DMD: variants seen among roughly 807,000 people sequenced by gnomAD.
The protein encoded by DMD is mutant dystrophin.
In DMD, 63 loss-of-function variants were observed where a neutral mutation model predicts 330.1. The observed-to-expected ratio is 0.19, with a 90% CI of 0.16 to 0.24. DMD has a LOEUF of 0.24. DMD is among the 10% of genes least tolerant of loss of function. The pLI is 1.00. For synonymous variants in DMD, 1,223 were observed against 959.8 expected (o/e 1.27, Z -5.07); for missense variants, 3,344 against 2,684.1 (o/e 1.25, Z -5.43).
intron 45 of DMD, among the ~76,000 whole-genome samples, chrX:31,957,355 T>C (rs776230047): frequency 8.9e-6 from 1 of 112,042 alleles, no homozygotes; most frequent in South Asian, 3.7e-4. Context: ...TGGAAAGGAA[T>C]GTCTGAATAT....
intron 50 of DMD, among the ~76,000 whole-genome samples, chrX:31,809,724 G>A (rs2092402587): frequency 9.0e-6 from 1 of 111,352 alleles, no homozygotes; most frequent in African/African-American, 3.3e-5. Flanking sequence ...GAGGGTTTAA[G>A]GAGATAGGGG....
intron 41 of DMD, among the ~76,000 whole-genome samples, chrX:32,316,722 A>C (rs1188992599): frequency 1.8e-5 from 2 of 111,410 alleles, no homozygotes; most frequent in Non-Finnish European, 3.8e-5. Flanking sequence ...ATAATGTTTA[A>C]TATATAGACT....
intron 4 of DMD, among the ~76,000 whole-genome samples, chrX:32,832,817 G>A (rs182200663): frequency 1.8e-5 from 2 of 111,045 alleles, no homozygotes; most frequent in Non-Finnish European, 1.9e-5. Context: ...TAAATACGTC[G>A]ATATATACAA....
chrX:31,812,750 A>G (rs773677039), intron 50 of DMD, among the ~76,000 whole-genome samples: 3 of 111,766 alleles, frequency 2.7e-5, no homozygotes, highest in Non-Finnish European at 5.6e-5. Flanking sequence ...AATCATAGAG[A>G]CTTATTTTTG....
intron 44 of DMD, among the ~76,000 whole-genome samples, chrX:32,092,203 A>G (rs1222426610): frequency 9.0e-6 from 1 of 111,696 alleles, no homozygotes; most frequent in Middle Eastern, 4.2e-3. Flanking sequence ...TAGAAGAGGC[A>G]TGGGCAACTC....
intron 25 of DMD, among the ~76,000 whole-genome samples, chrX:32,463,014 T>A (rs1348776954): frequency 9.0e-6 from 1 of 111,686 alleles, no homozygotes; most frequent in Non-Finnish European, 1.9e-5. Flanking sequence ...CTTGGAAATG[T>A]TAATCGAAAG....
At chrX:32,402,289 A>C (rs765203280) in intron 30 of DMD, among the ~76,000 whole-genome samples, 6 of 111,726 alleles carry the variant, frequency 5.4e-5, no homozygotes, top group Non-Finnish European at 9.4e-5. Flanking sequence ...TTAAATATAT[A>C]ATAGTAATTG....
At chrX:32,246,510 A>G (rs6628691) in intron 43 of DMD, among the ~76,000 whole-genome samples, 5,870 of 62,210 alleles carry the variant, frequency 0.094, 412 homozygotes, top group East Asian at 0.32. Context: ...CTCTTTTTCT[A>G]TTGATTGGAA....
chrX:32,966,388 T>G (rs1347569225), intron 2 of DMD, among the ~76,000 whole-genome samples: 1 of 111,351 alleles, frequency 9.0e-6, no homozygotes, highest in African/African-American at 3.3e-5. Context: ...GAGTCCCAAG[T>G]ACACCTTGAT....
In DMD at chrX:32,167,826, A is replaced by G. The variant is rs771387196; in HGVS notation, c.6438+49090T>C. 3.6e-5 allele frequency among the ~76,000 whole-genome samples: 4 copies of G among 112,078 alleles called. No homozygotes were observed. In the East Asian group the frequency reaches 1.1e-3, roughly 32 times the overall value. On this transcript the variant is annotated intron_variant, in intron 44 of 78. Transcript: ENST00000357033. ...CTAATTCTCTACTCACAGGTTTGCTAAAAGATCTCTCTTCCACCACCACTC... is the reference window on the plus strand; with the variant it reads ...CTAATTCTCTACTCACAGGTTTGCTGAAAGATCTCTCTTCCACCACCACTC...
intron 74 of DMD, among the ~76,000 whole-genome samples, chrX:31,160,856 A>T (rs894930950): frequency 1.8e-5 from 2 of 111,954 alleles, no homozygotes; most frequent in African/African-American, 6.5e-5. Context: ...CATGAGAAAC[A>T]GCCACATATA....
chrX:33,320,124 A>G (rs2053994398), intron 1 of DMD, among the ~76,000 whole-genome samples: 2 of 111,815 alleles, frequency 1.8e-5, no homozygotes, highest in African/African-American at 6.5e-5. Context: ...CATATTACTC[A>G]TTTATAAAAT....
At chrX:33,261,942 CACCACCACCACCACA>C (rs202223278) in intron 1 of DMD, among the ~76,000 whole-genome samples, 4,266 of 104,161 alleles carry the variant, frequency 0.041, 224 homozygotes, top group African/African-American at 0.15. Flanking sequence ...CCACCACCAC[CACCACCACCACCACA>C]ACCACAATGA....
intron 60 of DMD, among the ~76,000 whole-genome samples, chrX:31,404,139 C>T (rs1450351998): frequency 3.6e-5 from 4 of 110,462 alleles, no homozygotes; most frequent in African/African-American, 1.3e-4. Flanking sequence ...AAGAAACGCT[C>T]AGGTGGTTAT....
chrX:32,992,812 A>G (rs1337852936), intron 2 of DMD, among the ~76,000 whole-genome samples: 1 of 106,448 alleles, frequency 9.4e-6, no homozygotes. Flanking sequence ...AGGCTGAGGA[A>G]GGACAATCGC....
chrX:32,072,184 G>A (rs959798865), intron 44 of DMD, among the ~76,000 whole-genome samples: 2 of 111,179 alleles, frequency 1.8e-5, no homozygotes, highest in Admixed American at 1.9e-4. Context: ...TTGAGCGGTT[G>A]GGTGCTGATA....
chrX:32,217,158 G>C, intron 43 of DMD, 95 bp from the exon 44 acceptor site: 5 of 861,592 alleles, frequency 5.8e-6, no homozygotes, highest in Non-Finnish European at 8.4e-6. Flanking sequence ...TACTGACAAA[G>C]ATATCACTCT....
Position 32,463,523 on chromosome X carries a change from C to G in DMD, c.3348G>C (p.Lys1116Asn), listed in dbSNP as rs1425553271. 1.7e-6 allele frequency: 2 copies of G among 1,203,410 alleles called. No individual in the cohort carries two copies. Among genetic ancestry groups the G allele is most frequent in the South Asian group, 1.8e-5 (1 of 55,508 alleles). Residue 1116 changes from lysine to asparagine, a missense_variant, in exon 25 of 79, where the codon AAG becomes AAC. Transcript: ENST00000357033. ...NSVNEGGQKI[K>N]NEAEPEFASR... ...AAGCAAACTCTGGCTCTGCTTCATT[C>G]TTTATCTTCTGCCCACCTTCATTGA...
At chrX:31,645,012 T>TG (rs917336602) in intron 54 of DMD, among the ~76,000 whole-genome samples, 4 of 111,736 alleles carry the variant, frequency 3.6e-5, no homozygotes, top group African/African-American at 1.3e-4. Flanking sequence ...AGGTTTTGTG[T>TG]GGGAAAAAAA....
Sources: allele counts gnomAD v4.1 joint callset (sites outside exome capture counted in the v4.1 genomes callset), GRCh38; gene constraint gnomAD v4.1.1; transcripts MANE v1.5; gene names NCBI Gene and HGNC (gene_info 2026-07-23, HGNC 2026-07-21).